The following KSR1 variants were observed in gnomAD, a reference collection of about 807,000 sequenced individuals.
KSR1 encodes the protein kinase suppressor of ras 1.
In KSR1, 35 loss-of-function variants were observed where a neutral mutation model predicts 92.9. The ratio of observed to expected loss-of-function variants is 0.38; its 90% confidence interval spans 0.29 to 0.50. The LOEUF (loss-of-function observed/expected upper bound fraction) is 0.50. KSR1 is among the 20% of genes least tolerant of loss of function. KSR1 has a pLI of 0.94. For synonymous variants in KSR1, 467 were observed against 472.6 expected (o/e 0.99, Z 0.15); for missense variants, 972 against 1,158.5 (o/e 0.84, Z 2.34).
At chr17:27,468,007 C>T (rs909089786) in intron 1 of KSR1, among the ~76,000 whole-genome samples, 11 of 152,038 alleles carry the variant, frequency 7.2e-5, no homozygotes, top group African/African-American at 2.2e-4. Flanking sequence ...TTAGTAGAGA[C>T]GGGGTTTCAC....
chr17:27,525,130 G>A (rs921161083), intron 1 of KSR1, among the ~76,000 whole-genome samples: 4 of 152,228 alleles, frequency 2.6e-5, no homozygotes, highest in Non-Finnish European at 5.9e-5. Flanking sequence ...ATATGAAACT[G>A]TGCCTGCTTG....
chr17:27,533,509 G>T (rs1204823077), intron 1 of KSR1, among the ~76,000 whole-genome samples: 1 of 151,700 alleles, frequency 6.6e-6, no homozygotes, highest in African/African-American at 2.4e-5. Context: ...TCAGCCTCCC[G>T]AGTAGCTGGG....
intron 5 of KSR1, among the ~76,000 whole-genome samples, chr17:27,588,032 G>A (rs751071033): frequency 8.5e-5 from 13 of 152,286 alleles, no homozygotes; most frequent in Non-Finnish European, 1.5e-4. Context: ...GGCTAGCCTC[G>A]GCCCTCCACC....
At chr17:27,566,352 A>G (rs2072067720) in intron 2 of KSR1, 2 of 397,936 alleles carry the variant, frequency 5.0e-6, no homozygotes, top group Admixed American at 8.8e-5. Context: ...GTGACTGTTC[A>G]CTACAGTCAT....
intron 1 of KSR1, among the ~76,000 whole-genome samples, chr17:27,473,224 A>G (rs2020115553): frequency 1.3e-5 from 2 of 152,192 alleles, no homozygotes; most frequent in Non-Finnish European, 1.5e-5. Context: ...ATTTGTGTTC[A>G]TTTCATTGCC....
At chr17:27,527,015 C>T (rs1014682299) in intron 1 of KSR1, 26 of 502,278 alleles carry the variant, frequency 5.2e-5, no homozygotes, top group South Asian at 4.1e-4. Context: ...CCTTCTTCAG[C>T]TGTTTGAAAT....
intron 19 of KSR1, among the ~76,000 whole-genome samples, chr17:27,620,778 G>T (rs940400256): frequency 6.6e-6 from 1 of 152,176 alleles, no homozygotes; most frequent in African/African-American, 2.4e-5. Flanking sequence ...GAAAGAAAAG[G>T]CTCCACTAGG....
intron 1 of KSR1, among the ~76,000 whole-genome samples, chr17:27,461,676 C>G (rs1050948477): frequency 6.6e-6 from 1 of 152,214 alleles, no homozygotes; most frequent in Non-Finnish European, 1.5e-5. Context: ...GAGGGAGACC[C>G]GCAGTGGCTG....
At chr17:27,548,531 G>C (rs2071271270) in intron 1 of KSR1, among the ~76,000 whole-genome samples, 1 of 151,940 alleles carries the variant, frequency 6.6e-6, no homozygotes. Flanking sequence ...CAGATCAAGT[G>C]ATCTGCCCAC....
At chr17:27,495,557 G>A (rs2068956945) in intron 1 of KSR1, among the ~76,000 whole-genome samples, 1 of 152,164 alleles carries the variant, frequency 6.6e-6, no homozygotes, top group South Asian at 2.1e-4. Context: ...GCGACAGGAG[G>A]GAGGCTTGGA....
At chr17:27,536,373 C>T (rs915080640) in intron 1 of KSR1, among the ~76,000 whole-genome samples, 1 of 152,204 alleles carries the variant, frequency 6.6e-6, no homozygotes, top group African/African-American at 2.4e-5. Context: ...ATAGTAAAAA[C>T]ACTAATAAAA....
At chr17:27,531,283 C>T (rs951281334) in intron 1 of KSR1, among the ~76,000 whole-genome samples, 2 of 152,264 alleles carry the variant, frequency 1.3e-5, no homozygotes, top group Non-Finnish European at 2.9e-5. Flanking sequence ...GTGCAGAGTC[C>T]TGCCTGCTGG....
intron 14 of KSR1, 134 bp from the exon 15 acceptor site, chr17:27,607,772 AAAGAAGAT>A: frequency 1.5e-6 from 1 of 649,248 alleles, no homozygotes; most frequent in Non-Finnish European, 2.8e-6. Flanking sequence ...GGGCTGGGTT[AAAGAAGAT>A]TTGGCTCACA....
intron 1 of KSR1, among the ~76,000 whole-genome samples, chr17:27,540,727 G>A (rs907562057): frequency 6.6e-6 from 1 of 152,224 alleles, no homozygotes; most frequent in African/African-American, 2.4e-5. Flanking sequence ...CCCCGTGGGC[G>A]CCCTTGAGGG....
rs377053926 is a variant in KSR1, at chr17:27,557,217, T to C, written c.372+6509T>C. Among the ~76,000 whole-genome samples the C allele has an allele frequency of 6.0e-4, 91 of 152,266 alleles. 1 individual carries two copies. Among genetic ancestry groups the C allele is most frequent in the African/African-American group, 2.0e-3 (83 of 41,552 alleles). On this transcript the variant is annotated intron_variant, in intron 2 of 20. Coordinates refer to ENST00000644974, the MANE Select transcript of KSR1 (RefSeq NM_001394583.1). Reference sequence around the variant, plus strand: ...ACCCCTCTCTGCCTGACCCTGAAGTTTGGCCTGGAGAGAAGTCTCCTCCAA... The same window carrying C: ...ACCCCTCTCTGCCTGACCCTGAAGTCTGGCCTGGAGAGAAGTCTCCTCCAA...
rs774836293 is a variant in KSR1 at position 27,597,279 on chromosome 17, G to A, written c.1311G>A (p.Pro437=). The A allele has an allele frequency of 2.5e-5, 39 of 1,591,494 alleles. No individual in the cohort carries two copies. Among genetic ancestry groups the A allele is most frequent in the African/African-American group, 1.5e-4 (11 of 74,232 alleles). The stretch of plus-strand genomic sequence containing the variant: ...CTCTGGTCCTGCAGGAGCACCCTCC[G>A]GCCATGAATCACCTGGACTCCAGCA... ...PKALTKKEHP[P]AMNHLDSSSN... Residue 437 remains proline (P), a synonymous_variant, in exon 10 of 21, where the codon CCG becomes CCA. Coordinates refer to ENST00000644974, the MANE Select transcript of KSR1 (RefSeq NM_001394583.1).
At position 27,605,510 on chromosome 17, in the gene KSR1, G is replaced by A. The variant is rs780207688; in HGVS notation, c.1691G>A (p.Arg564Gln). 12 of 1,600,180 alleles carry A rather than the reference G, an allele frequency of 7.5e-6. No homozygotes were observed. The highest frequency in any genetic ancestry group is 2.3e-5 in the East Asian group (1 of 44,354). The change falls in exon 14 of 21, where the codon CGG becomes CAG. Residue 564 changes from arginine (R) to glutamine (Q), a missense_variant. This residue lies in a region of KSR1 where 611 missense variants were observed against 668.0 expected (regional missense o/e 0.91). Transcript: ENST00000644974. The part of the protein sequence containing the change: ...DEVDDLPSSR[R>Q]PWRGPISRKA... ...GTGGACGACTTGCCGAGCTCTCGCC[G>A]GCCCTGGCGGGGCCCCATCTCTCGC... is the stretch of plus-strand genomic sequence containing the variant.
chr17:27,537,359 T>C (rs2070786590), intron 1 of KSR1, among the ~76,000 whole-genome samples: 1 of 152,192 alleles, frequency 6.6e-6, no homozygotes, highest in South Asian at 2.1e-4. Flanking sequence ...GATATGTAAC[T>C]CTCTCAGCCT....
intron 1 of KSR1, among the ~76,000 whole-genome samples, chr17:27,480,156 C>T (rs909650783): frequency 6.6e-6 from 1 of 152,148 alleles, no homozygotes; most frequent in African/African-American, 2.4e-5. Context: ...TGCTCCAGCC[C>T]CTTGGGCCAC....
Sources: gnomAD v4.1 joint callset for allele counts (sites outside exome capture counted in the v4.1 genomes callset) on GRCh38, gnomAD v4.1.1 for gene constraint, gnomAD v4.1.1 regional missense constraint, MANE v1.5 for transcripts, NCBI Gene and HGNC (gene_info 2026-07-23, HGNC 2026-07-21) for gene names.